The following GRM1 variants were observed in gnomAD, a reference collection of about 807,000 sequenced individuals.
GRM1 encodes glutamate metabotropic receptor 1.
GRM1 carries 33 observed loss-of-function variants against 90.9 expected under a neutral mutation model. The ratio of observed to expected loss-of-function variants is 0.36; its 90% CI spans 0.28 to 0.49. The LOEUF (loss-of-function observed/expected upper bound fraction) is 0.49, where lower values mean the gene tolerates loss of function less well. Among genes scored for constraint, GRM1 ranks in the 20% least tolerant of loss-of-function variants. GRM1 has a pLI of 0.99. For synonymous variants in GRM1, 700 were observed against 613.2 expected, an observed-to-expected ratio of 1.14 and a Z score of -2.09; for missense variants, 1,190 against 1,534.3, an observed-to-expected ratio of 0.78 and a Z score of 3.75.
chr6:146,109,474 A>C (rs1220556993), intron 1 of GRM1, among the ~76,000 whole-genome samples: 2 of 152,166 alleles, frequency 1.3e-5, no homozygotes, highest in African/African-American at 2.4e-5. Flanking sequence ...CTCTGCCTAG[A>C]TTTCAGAAGA....
chr6:146,218,488 A>G (rs1779949379), intron 2 of GRM1, among the ~76,000 whole-genome samples: 1 of 152,232 alleles, frequency 6.6e-6, no homozygotes, highest in African/African-American at 2.4e-5. Context: ...TTGAGTCTTT[A>G]CTAAGGAAAC....
At chr6:146,292,158 A>G (rs1387427022) in intron 2 of GRM1, among the ~76,000 whole-genome samples, 1 of 152,020 alleles carries the variant, frequency 6.6e-6, no homozygotes, top group Non-Finnish European at 1.5e-5. Flanking sequence ...AATTCAGTAT[A>G]ACAATGACCT....
At chr6:146,057,025 T>C (rs1456790773) in intron 1 of GRM1, among the ~76,000 whole-genome samples, 2 of 152,174 alleles carry the variant, frequency 1.3e-5, no homozygotes, top group East Asian at 1.9e-4. Context: ...AAGCCTTGCT[T>C]GTGGTATCCT....
At chr6:146,315,066 T>G (rs992706814) in intron 3 of GRM1, among the ~76,000 whole-genome samples, 2 of 152,192 alleles carry the variant, frequency 1.3e-5, no homozygotes, top group African/African-American at 4.8e-5. Context: ...TAGGCCACAG[T>G]AATGCACTGG....
intron 1 of GRM1, among the ~76,000 whole-genome samples, chr6:146,122,192 C>T (rs1040895556): frequency 2.0e-5 from 3 of 152,064 alleles, no homozygotes; most frequent in African/African-American, 4.8e-5. Flanking sequence ...CTTTTTCCAC[C>T]GGAATTTTGT....
intron 2 of GRM1, among the ~76,000 whole-genome samples, chr6:146,243,173 A>C (rs1399496179): frequency 6.6e-6 from 1 of 152,162 alleles, no homozygotes; most frequent in East Asian, 1.9e-4. Context: ...TAGCATGAAG[A>C]GTGTCATAAG....
chr6:146,146,926 C>T (rs1391041152), intron 1 of GRM1, among the ~76,000 whole-genome samples: 1 of 152,142 alleles, frequency 6.6e-6, no homozygotes, highest in African/African-American at 2.4e-5. Context: ...CATATTTGAC[C>T]CTCCATTGTT....
At position 146,279,062 on chromosome 6, in the gene GRM1, T is replaced by C. The variant is rs535144706; in HGVS notation, c.951-25549T>C. Among the ~76,000 whole-genome samples, 273 of 152,334 alleles carry C rather than the reference T, an allele frequency of 1.8e-3. 2 individuals carry two copies. Among genetic ancestry groups the C allele is most frequent in the African/African-American group, 6.0e-3 (250 of 41,584 alleles). On this transcript the variant is annotated intron_variant, in intron 2 of 7. Transcript: ENST00000282753. ...TAACAGATATTGTAATTGTAACCAT[T>C]AAATTCTTCCTGAGTCCATTTTTCT...
At chr6:146,368,218 C>A (rs1297397965) in intron 5 of GRM1, among the ~76,000 whole-genome samples, 2 of 137,224 alleles carry the variant, frequency 1.5e-5, no homozygotes, top group South Asian at 2.2e-4. Flanking sequence ...TTGCATCCTG[C>A]AAATTTCCTG....
chr6:146,074,744 A>C (rs377051621), intron 1 of GRM1, among the ~76,000 whole-genome samples: 50 of 152,286 alleles, frequency 3.3e-4, no homozygotes, highest in African/African-American at 1.1e-3. Flanking sequence ...TTGTAACAAC[A>C]ATTTTTATTG....
At chr6:146,053,628 T>C (rs1158046933) in intron 1 of GRM1, among the ~76,000 whole-genome samples, 2 of 152,092 alleles carry the variant, frequency 1.3e-5, no homozygotes, top group Non-Finnish European at 1.5e-5. Context: ...AGTTTTTTTG[T>C]GGCACAGCAG....
At chr6:146,135,019 T>C (rs1776565755) in intron 1 of GRM1, among the ~76,000 whole-genome samples, 1 of 152,120 alleles carries the variant, frequency 6.6e-6, no homozygotes, top group Admixed American at 6.5e-5. Context: ...TCCCTCAACA[T>C]ATGATGATTA....
At chr6:146,067,358 T>A (rs1348807539) in intron 1 of GRM1, among the ~76,000 whole-genome samples, 2 of 152,224 alleles carry the variant, frequency 1.3e-5, no homozygotes, top group Non-Finnish European at 2.9e-5. Context: ...ATTTATGTTT[T>A]ATTTTAGACA....
intron 3 of GRM1, among the ~76,000 whole-genome samples, chr6:146,322,201 C>A (rs144026285): frequency 2.6e-5 from 4 of 152,260 alleles, no homozygotes; most frequent in African/African-American, 7.2e-5. Context: ...CACTCCAGAC[C>A]CTGTTTGCCT....
At chr6:146,138,474 T>A (rs761417248) in intron 1 of GRM1, among the ~76,000 whole-genome samples, 7 of 152,160 alleles carry the variant, frequency 4.6e-5, no homozygotes, top group Non-Finnish European at 8.8e-5. Flanking sequence ...TTTAAATGTT[T>A]GGTAAAATTC....
chr6:146,182,891 C>T (rs1778600785), intron 2 of GRM1, among the ~76,000 whole-genome samples: 2 of 151,938 alleles, frequency 1.3e-5, no homozygotes, highest in Admixed American at 6.6e-5. Context: ...GAAATACCTG[C>T]TTTGTCAGGT....
intron 1 of GRM1, among the ~76,000 whole-genome samples, chr6:146,120,781 A>G (rs768579875): frequency 6.6e-6 from 1 of 152,160 alleles, no homozygotes; most frequent in African/African-American, 2.4e-5. Flanking sequence ...CATCCCAGGG[A>G]TGAAGCCCAC....
At position 146,335,709 on chromosome 6, in the gene GRM1, C is replaced by T. The variant is rs145615371; in HGVS notation, c.1187-16541C>T. Among the ~76,000 whole-genome samples, 1,190 of 152,168 alleles carry T rather than the reference C, an allele frequency of 7.8e-3. 16 individuals carry two copies. Among genetic ancestry groups the T allele is most frequent in the African/African-American group, 0.027 (1,133 of 41,494 alleles). ...TTAATGTGTAGGTCTATGATGAGCC[C>T]GGAAATCTCCATTTTAACAGATACA... On this transcript the variant is annotated intron_variant, in intron 3 of 7. Transcript: ENST00000282753.
intron 7 of GRM1, among the ~76,000 whole-genome samples, chr6:146,407,030 A>G (rs1363073351): frequency 6.6e-6 from 1 of 152,176 alleles, no homozygotes; most frequent in Admixed American, 6.5e-5. Context: ...GCGCAAGGAT[A>G]TTTCGTTTGA....
Sources: gnomAD v4.1 joint callset for allele counts (sites outside exome capture counted in the v4.1 genomes callset) on GRCh38, gnomAD v4.1.1 for gene constraint, MANE v1.5 for transcripts, NCBI Gene and HGNC (gene_info 2026-07-23, HGNC 2026-07-21) for gene names.